SLC20A1: variants seen among roughly 807,000 people sequenced by gnomAD.
SLC20A1 encodes the protein solute carrier family 20 member 1, also known as sodium-dependent phosphate transporter 1.
In SLC20A1, 28 loss-of-function variants were observed where a neutral mutation model predicts 62.7. The ratio of observed to expected loss-of-function variants is 0.45; its 90% confidence interval spans 0.33 to 0.61. The LOEUF (loss-of-function observed/expected upper bound fraction) is 0.61. SLC20A1 is among the 20% of genes least tolerant of loss of function. The pLI is 0.02. For synonymous variants in SLC20A1, 305 were observed against 302.9 expected (o/e 1.01, Z -0.07); for missense variants, 673 against 838.6 (o/e 0.80, Z 2.44).
intron 10 of SLC20A1, among the ~76,000 whole-genome samples, chr2:112,661,880 C>T (rs1686758711): frequency 6.6e-6 from 1 of 152,060 alleles, no homozygotes; most frequent in Non-Finnish European, 1.5e-5. Context: ...TTTGGGGAAG[C>T]CATTCAGAGC....
chr2:112,658,559 A>T (rs988839144), intron 6 of SLC20A1: 1 of 377,852 alleles, frequency 2.6e-6, no homozygotes, highest in Non-Finnish European at 4.7e-6. Context: ...CAAAACAACA[A>T]TGTGCTACAG....
chr2:112,663,434 C>G lies in SLC20A1; in HGVS notation c.*409C>G. The G allele has an allele frequency of 3.0e-6, 1 of 330,988 alleles. No homozygotes were observed. Among genetic ancestry groups the G allele is most frequent in the Non-Finnish European group, 5.8e-6 (1 of 172,840 alleles). The allele number at this position is 330,988 out of a possible 1,614,324, so 20.5% of individuals were successfully genotyped here. ...GTTGTTGGTTTCACCAGCTTCTGCC[C>G]TCACATGCACAGGGATTTAACAACA... On this transcript the variant is annotated 3_prime_UTR_variant, in exon 11 of 11. Coordinates refer to ENST00000272542, the MANE Select transcript of SLC20A1 (RefSeq NM_005415.5).
At position 112,659,616 on chromosome 2, in the gene SLC20A1, G is replaced by C. The variant is rs1234395946; in HGVS notation, c.1461G>C (p.Glu487Asp). ...AGATAGACATGAGTGTCAAGGCAGAGATGGGTCTAGGTGACAGAAAAGGAA... is the reference window on the plus strand; with the variant it reads ...AGATAGACATGAGTGTCAAGGCAGACATGGGTCTAGGTGACAGAAAAGGAA... ...ASEIDMSVKAEMGLGDRKGSN... is the reference protein window; with the variant it reads ...ASEIDMSVKADMGLGDRKGSN... The change falls in exon 8 of 11, where the codon GAG becomes GAC. Residue 487 changes from glutamate to aspartate, a missense_variant. By Grantham distance (45) the Glu-to-Asp change is conservative. Transcript: ENST00000272542. 1 of 1,614,244 alleles carries C rather than the reference G, an allele frequency of 6.2e-7. No homozygotes were observed. The highest frequency in any genetic ancestry group is 8.5e-7 in the Non-Finnish European group (1 of 1,180,042).
intron 9 of SLC20A1, chr2:112,660,820 C>T (rs1474007204): frequency 1.8e-5 from 9 of 499,190 alleles, no homozygotes; most frequent in Admixed American, 7.7e-5. Flanking sequence ...ATGCTAAGAG[C>T]GGATAGTTAT....
At position 112,647,059 on chromosome 2, in the gene SLC20A1, G is replaced by A. The variant is rs1279550356; in HGVS notation, c.231G>A (p.Leu77=). The A allele has an allele frequency of 6.2e-7, 1 of 1,614,180 alleles. No individual in the cohort carries two copies. Residue 77 remains leucine, a synonymous_variant, in exon 2 of 11, where the codon CTG becomes CTA. Transcript: ENST00000272542. ...SIFETVGSVL[L]GAKVSETIRK... ...TTGAAACAGTGGGCTCTGTCTTACT[G>A]GGGGCCAAAGTGAGCGAAACCATCC...
chr2:112,655,297 T>G (rs2104646475), intron 5 of SLC20A1, among the ~76,000 whole-genome samples: 1 of 152,022 alleles, frequency 6.6e-6, no homozygotes, highest in South Asian at 2.1e-4. Flanking sequence ...GATTAATCAT[T>G]TTGGGGTATG....
In SLC20A1 at chr2:112,663,328, A is replaced by C; in HGVS notation, c.*303A>C. 1 of 402,676 alleles carries C rather than the reference A, an allele frequency of 2.5e-6. No homozygotes were observed. The highest frequency in any genetic ancestry group is 4.8e-6 in the Non-Finnish European group (1 of 206,986). The allele number at this position is 402,676 out of a possible 1,614,324, so 24.9% of individuals were successfully genotyped here. A position where few individuals can be genotyped will look rare whatever the true frequency, so the allele number is the denominator to read the frequency against. On this transcript the variant is annotated 3_prime_UTR_variant, in exon 11 of 11. Coordinates refer to ENST00000272542, the MANE Select transcript of SLC20A1 (RefSeq NM_005415.5). ...TCAGGCTTCAATTCCATTATGTTTT[A>C]ATGTTGTCTCTGAAGATGACTTGTG...
Position 112,659,589 on chromosome 2 carries a change from T to C in SLC20A1, c.1434T>C (p.Ser478=). 1 of 1,614,172 alleles carries C rather than the reference T, an allele frequency of 6.2e-7. No individual in the cohort carries two copies. Among genetic ancestry groups the C allele is most frequent in the Non-Finnish European group, 8.5e-7 (1 of 1,180,002 alleles). ...CTGTGTCTGACCTTCACTCAGCATC[T>C]GAGATAGACATGAGTGTCAAGGCAG... The part of the protein sequence containing the change: ...CNAVSDLHSA[S]EIDMSVKAEM... Residue 478 remains serine (S), a synonymous_variant, in exon 8 of 11, where the codon TCT becomes TCC. Coordinates refer to ENST00000272542, the MANE Select transcript of SLC20A1 (RefSeq NM_005415.5).
chr2:112,653,964 G>A (rs904832800), intron 5 of SLC20A1, among the ~76,000 whole-genome samples: 1 of 151,950 alleles, frequency 6.6e-6, no homozygotes, highest in Non-Finnish European at 1.5e-5. Flanking sequence ...GGCTGATTTT[G>A]TATTTTTAGT....
chr2:112,656,027 G>C (rs1465914088), intron 5 of SLC20A1, among the ~76,000 whole-genome samples: 1 of 151,628 alleles, frequency 6.6e-6, no homozygotes, highest in African/African-American at 2.4e-5. Flanking sequence ...CTTTAGTACA[G>C]GCTAATGGTT....
In SLC20A1 at chr2:112,647,083, C is replaced by G. The variant is rs1364851062; in HGVS notation, c.255C>G (p.Ile85Met). The change falls in exon 2 of 11, where the codon ATC (isoleucine) becomes ATG (methionine). Residue 85 changes from isoleucine to methionine, a missense_variant. Coordinates refer to ENST00000272542, the MANE Select transcript of SLC20A1 (RefSeq NM_005415.5). Reference sequence around the variant, plus strand: ...TGGGGGCCAAAGTGAGCGAAACCATCCGGAAGGGCTTGATTGACGTGGAGA... The same window carrying G: ...TGGGGGCCAAAGTGAGCGAAACCATGCGGAAGGGCTTGATTGACGTGGAGA... ...VLLGAKVSET[I>M]RKGLIDVEMY... The G allele has an allele frequency of 6.2e-7, 1 of 1,614,048 alleles. No homozygotes were observed.
At chr2:112,659,955 T>A (rs1335122958) in intron 8 of SLC20A1, among the ~76,000 whole-genome samples, 193 bp downstream of exon 8, 1 of 152,240 alleles carries the variant, frequency 6.6e-6, no homozygotes, top group African/African-American at 2.4e-5. Flanking sequence ...ACAAAGAATG[T>A]TTATTTTTGT....
intron 5 of SLC20A1, chr2:112,653,261 G>A: frequency 9.6e-6 from 2 of 208,622 alleles, no homozygotes; most frequent in Non-Finnish European, 2.0e-5. Context: ...GAGAAGAGTT[G>A]GGATGTTTAC....
rs780395237 is a variant in SLC20A1, at chr2:112,652,798, T to C, written c.658T>C (p.Leu220=). 4.3e-6 allele frequency: 7 copies of C among 1,613,192 alleles called. No individual in the cohort carries two copies. Among genetic ancestry groups the C allele is most frequent in the Non-Finnish European group, 5.1e-6 (6 of 1,179,208 alleles). ...LFSIMYTGAP[L]LGFDKLPLWG... ...TTCCATCATGTATACTGGAGCACCG[T>C]GTAAGTACCTATCAAAATATTTAAA... Residue 220 remains leucine, a splice_region_variant and synonymous_variant, in exon 5 of 11, where the codon TTG becomes CTG. Coordinates refer to ENST00000272542, the MANE Select transcript of SLC20A1 (RefSeq NM_005415.5).
In SLC20A1 at chr2:112,663,198, T is replaced by G; in HGVS notation, c.*173T>G. ...CTGCTTTTGTGCTAAATATGAATTGTCTCAAAATTAGCTGTGTAAAATAGC... is the reference window on the plus strand; with the variant it reads ...CTGCTTTTGTGCTAAATATGAATTGGCTCAAAATTAGCTGTGTAAAATAGC... On this transcript the variant is annotated 3_prime_UTR_variant, in exon 11 of 11. Transcript: ENST00000272542. 1.2e-6 allele frequency: 1 copy of G among 801,148 alleles called. No homozygotes were observed. The highest frequency in any genetic ancestry group is 2.1e-6 in the Non-Finnish European group (1 of 465,904). 49.6% of individuals were successfully genotyped at this position (801,148 alleles called of 1,614,324 possible). A position where few individuals can be genotyped will look rare whatever the true frequency, so the allele number is the denominator to read the frequency against.
chr2:112,649,110 C>T (rs536078837), intron 4 of SLC20A1, among the ~76,000 whole-genome samples: 143 of 152,304 alleles, frequency 9.4e-4, no homozygotes, highest in African/African-American at 3.2e-3. Flanking sequence ...ACTTATTCCC[C>T]GGAAGGGGAA....
Position 112,647,477 on chromosome 2 carries a change from C to T in SLC20A1, c.475+13C>T, listed in dbSNP as rs1258390973. On this transcript the variant is annotated intron_variant, in intron 3 of 10. Coordinates refer to ENST00000272542, the MANE Select transcript of SLC20A1 (RefSeq NM_005415.5). The stretch of plus-strand genomic sequence containing the variant: ...CTGATAAAAATTGGTATGTTTAATT[C>T]CAAACGGCTTCTTAATTTTCGTTTT... 1 of 1,605,560 alleles carries T rather than the reference C, an allele frequency of 6.2e-7. No individual in the cohort carries two copies. Among genetic ancestry groups the T allele is most frequent in the South Asian group, 1.1e-5 (1 of 89,402 alleles).
chr2:112,658,645 TC>T, intron 6 of SLC20A1, 179 bp from the exon 7 acceptor site: 1 of 697,246 alleles, frequency 1.4e-6, no homozygotes, highest in Non-Finnish European at 2.3e-6. Flanking sequence ...TGCTGGTTGT[TC>T]CCAAGTGAGA....
Position 112,647,024 on chromosome 2 carries a change from G to T in SLC20A1, c.196G>T (p.Ala66Ser). 6.2e-7 allele frequency: 1 copy of T among 1,614,146 alleles called. No individual in the cohort carries two copies. The highest frequency in any genetic ancestry group is 1.1e-5 in the South Asian group (1 of 91,076). Residue 66 changes from alanine to serine, a missense_variant, in exon 2 of 11, where the codon GCT (alanine) becomes TCT (serine). Ala to Ser is a moderately conservative substitution (Grantham distance 99). Transcript: ENST00000272542. ...GACCCTGAAGCAAGCCTGCATCCTA[G>T]CTAGCATCTTTGAAACAGTGGGCTC... Reference protein sequence around the residue: ...VVTLKQACILASIFETVGSVL... With the variant: ...VVTLKQACILSSIFETVGSVL...
Sources: gnomAD v4.1 joint callset for allele counts (sites outside exome capture counted in the v4.1 genomes callset) on GRCh38, gnomAD v4.1.1 for gene constraint, MANE v1.5 for transcripts, NCBI Gene and HGNC (gene_info 2026-07-23, HGNC 2026-07-21) for gene names.